Variants in ATG16L1 observed in about 807,000 individuals in gnomAD.
ATG16L1 encodes autophagy related 16 like 1, also known as autophagy-related protein 16-1.
A neutral mutation model predicts 88.5 loss-of-function variants in ATG16L1; 37 were observed. The observed-to-expected ratio is 0.42, with a 90% CI of 0.32 to 0.55. The LOEUF (loss-of-function observed/expected upper bound fraction) is 0.55, where lower values mean the gene tolerates loss of function less well. ATG16L1 is among the 20% of genes least tolerant of loss of function. ATG16L1 has a pLI of 0.13. For missense variants in ATG16L1, 554 were observed against 752.8 expected, an observed-to-expected ratio of 0.74 and a Z score of 3.09; for synonymous variants, 301 against 281.0, an observed-to-expected ratio of 1.07 and a Z score of -0.71.
At chr2:233,262,776 T>C (rs1199204219) in intron 2 of ATG16L1, among the ~76,000 whole-genome samples, 2 of 152,206 alleles carry the variant, frequency 1.3e-5, no homozygotes, top group Non-Finnish European at 2.9e-5. Flanking sequence ...CTGTCAGCTG[T>C]GTGGAAGCAG....
intron 3 of ATG16L1, 74 bp from the exon 4 acceptor site, chr2:233,263,914 AAATC>A: frequency 2.1e-6 from 3 of 1,402,616 alleles, no homozygotes; most frequent in Non-Finnish European, 3.0e-6. Flanking sequence ...TCTTAAAAAT[AAATC>A]GCCACCCACT....
At chr2:233,265,529 G>A (rs986270071) in intron 5 of ATG16L1, among the ~76,000 whole-genome samples, 2 of 152,124 alleles carry the variant, frequency 1.3e-5, no homozygotes, top group African/African-American at 2.4e-5. Flanking sequence ...GAGTGCAGTG[G>A]CATGATGTTG....
In ATG16L1 at chr2:233,282,810, G is replaced by A. The variant is rs1313221994; in HGVS notation, c.1203+57G>A. ...TCCAAACTTCATGTGGTGTTATCAA[G>A]GCACAAACTGGCAGGTGCTTAATTA... On this transcript the variant is annotated intron_variant, in intron 12 of 17. Transcript: ENST00000392017. 7.4e-6 allele frequency: 11 copies of A among 1,488,240 alleles called. No individual in the cohort carries two copies. In the East Asian group the frequency reaches 2.0e-4, roughly 28 times the overall value. 92.2% of individuals were successfully genotyped at this position (1,488,240 alleles called of 1,614,324 possible).
At chr2:233,289,377 A>ATG (rs56993445) in intron 12 of ATG16L1, among the ~76,000 whole-genome samples, 1,864 of 129,098 alleles carry the variant, frequency 0.014, 59 homozygotes, top group Admixed American at 0.054. Flanking sequence ...CCTGTTTGGG[A>ATG]TGTGTGTGTG....
intron 5 of ATG16L1, among the ~76,000 whole-genome samples, chr2:233,267,782 T>C (rs1455035699): frequency 6.6e-6 from 1 of 152,174 alleles, no homozygotes; most frequent in Admixed American, 6.5e-5. Flanking sequence ...TGTGTGGTGA[T>C]GCCAAGGAAG....
chr2:233,290,307 G>A lies in ATG16L1; in HGVS notation c.1384G>A (p.Val462Ile). The change falls in exon 14 of 18, where the codon GTA becomes ATA. Residue 462 changes from valine (V) to isoleucine (I), a missense_variant. Physicochemically the swap from Val to Ile is conservative, Grantham distance 29. Transcript: ENST00000392017. ...TGATATTGTCTGCACAGAGCAATGT[G>A]TAATGAGTGGACATTTTGACAAGAA... ...CNDIVCTEQC[V>I]MSGHFDKKIR... 1 of 1,614,194 alleles carries A rather than the reference G, an allele frequency of 6.2e-7. No homozygotes were observed. Among genetic ancestry groups the A allele is most frequent in the Non-Finnish European group, 8.5e-7 (1 of 1,180,038 alleles).
At chr2:233,263,703 A>G (rs1011735632) in intron 3 of ATG16L1, among the ~76,000 whole-genome samples, 2 of 152,216 alleles carry the variant, frequency 1.3e-5, no homozygotes, top group Non-Finnish European at 2.9e-5. Flanking sequence ...TGAATTGATT[A>G]TCTTTTCAGC....
chr2:233,293,124 C>A (rs1699574809), intron 16 of ATG16L1, 132 bp from the exon 17 acceptor site: 3 of 774,718 alleles, frequency 3.9e-6, no homozygotes, highest in Non-Finnish European at 2.2e-6. Context: ...GACTAGCACA[C>A]ATTCTGAGGT....
rs185597903 is a variant in ATG16L1, at chr2:233,264,078, C to G, written c.389+13C>G. On this transcript the variant is annotated intron_variant, in intron 4 of 17. Transcript: ENST00000392017. Reference sequence around the variant, plus strand: ...TGAATGAAGCAAAGTGAGTAGAGACCCCGCCTCCTTGGAGCCTGGTCATTG... The same window carrying G: ...TGAATGAAGCAAAGTGAGTAGAGACGCCGCCTCCTTGGAGCCTGGTCATTG... 6.2e-7 allele frequency: 1 copy of G among 1,613,640 alleles called. No individual in the cohort carries two copies. The highest frequency in any genetic ancestry group is 1.1e-5 in the South Asian group (1 of 91,036).
chr2:233,267,868 C>T (rs1012903104), intron 5 of ATG16L1, among the ~76,000 whole-genome samples: 4 of 152,194 alleles, frequency 2.6e-5, no homozygotes, highest in Admixed American at 2.6e-4. Flanking sequence ...CCCTAGCCCA[C>T]CCTTTGAAGC....
intron 17 of ATG16L1, 88 bp downstream of exon 17, chr2:233,293,445 C>A: frequency 7.9e-7 from 1 of 1,265,730 alleles, no homozygotes; most frequent in Non-Finnish European, 1.1e-6. Context: ...AGACCTCAGT[C>A]GGCGCTGTGA....
In ATG16L1 at chr2:233,273,586, G is replaced by C. The variant is rs1391369557; in HGVS notation, c.795-135G>C. ...TTTTCTGGCAGTTTGGTACTGTGTT[G>C]GGTTTCTCTTGGCTGGGGTTTGGGA... On this transcript the variant is annotated intron_variant, in intron 7 of 17. Coordinates refer to ENST00000392017, the MANE Select transcript of ATG16L1 (RefSeq NM_030803.7). 6.5e-6 allele frequency: 5 copies of C among 774,826 alleles called. No homozygotes were observed. The African/African-American group carries it at 8.7e-5, about 13-fold the overall frequency. 48.0% of individuals were successfully genotyped at this position (774,826 alleles called of 1,614,324 possible).
chr2:233,276,324 T>C (rs1698368837), intron 9 of ATG16L1, among the ~76,000 whole-genome samples: 1 of 152,216 alleles, frequency 6.6e-6, no homozygotes, highest in Non-Finnish European at 1.5e-5. Context: ...TTCTCTATTA[T>C]AGAAATTTCC....
chr2:233,257,759 C>T (rs771699837), intron 2 of ATG16L1, among the ~76,000 whole-genome samples: 1 of 152,114 alleles, frequency 6.6e-6, no homozygotes, highest in Non-Finnish European at 1.5e-5. Context: ...GTAATCCCAG[C>T]ACTTTGGGAG....
chr2:233,290,106 C>T (rs1699364130), intron 13 of ATG16L1, 132 bp downstream of exon 13: 4 of 1,509,564 alleles, frequency 2.6e-6, no homozygotes, highest in Non-Finnish European at 3.6e-6. Context: ...TAGAGGGGCA[C>T]TGAGGATAGT....
intron 8 of ATG16L1, chr2:233,274,181 G>A (rs902759666): frequency 1.1e-5 from 10 of 922,682 alleles, no homozygotes; most frequent in East Asian, 5.3e-5. Flanking sequence ...AATGCCGGGA[G>A]CCCTCAGAGC....
chr2:233,288,711 G>T (rs1418206811), intron 12 of ATG16L1: 1 of 514,444 alleles, frequency 1.9e-6, no homozygotes, highest in East Asian at 5.5e-5. Flanking sequence ...TGAGTCCTCA[G>T]ATCCCCTCCC....
intron 1 of ATG16L1, 101 bp from the exon 2 acceptor site, chr2:233,256,001 G>A (rs1225751051): frequency 2.3e-6 from 2 of 883,744 alleles, no homozygotes; most frequent in East Asian, 5.3e-5. Context: ...AGGAATGTAT[G>A]TTCCTGTATT....
chr2:233,277,973 C>T (rs1029558329), intron 10 of ATG16L1, among the ~76,000 whole-genome samples: 1 of 152,062 alleles, frequency 6.6e-6, no homozygotes, highest in Non-Finnish European at 1.5e-5. Flanking sequence ...CAAGTATATA[C>T]CAATCAGAGC....
Sources: gnomAD v4.1 joint callset for allele counts (sites outside exome capture counted in the v4.1 genomes callset) on GRCh38, gnomAD v4.1.1 for gene constraint, MANE v1.5 for transcripts, NCBI Gene and HGNC (gene_info 2026-07-23, HGNC 2026-07-21) for gene names.